EPDR1: variants seen among roughly 807,000 people sequenced by gnomAD.
EPDR1 encodes mammalian ependymin-related protein 1.
A neutral mutation model predicts 23.7 loss-of-function variants in EPDR1; 27 were observed. The observed-to-expected ratio is 1.14, with a 90% CI of 0.84 to 1.57. The LOEUF is 1.57. EPDR1 is among the 40% of genes most tolerant of loss of function. The pLI, the probability that EPDR1 is intolerant of heterozygous loss-of-function variation, is 0.00. For synonymous variants in EPDR1, 137 were observed against 118.2 expected, an observed-to-expected ratio of 1.16 and a Z score of -1.03; for missense variants, 349 against 290.4, an observed-to-expected ratio of 1.20 and a Z score of -1.47.
intron 1 of EPDR1, among the ~76,000 whole-genome samples, chr7:37,937,485 T>C (rs1449897503): frequency 6.6e-6 from 1 of 152,116 alleles, no homozygotes; most frequent in Non-Finnish European, 1.5e-5. Context: ...TAATTAATGA[T>C]CTATAGAAAA....
At chr7:37,946,590 G>C (rs1228628626) in intron 1 of EPDR1, among the ~76,000 whole-genome samples, 2 of 152,180 alleles carry the variant, frequency 1.3e-5, no homozygotes, top group Non-Finnish European at 2.9e-5. Context: ...AAAGGTAACT[G>C]TGAAACTGCC....
At chr7:37,948,007 C>T (rs1469588277) in intron 1 of EPDR1, among the ~76,000 whole-genome samples, 10 of 152,262 alleles carry the variant, frequency 6.6e-5, no homozygotes, top group Admixed American at 5.2e-4. Flanking sequence ...ATGTGGGCTG[C>T]GCCCGTGCCG....
chr7:37,949,006 A>G lies in EPDR1; in HGVS notation c.436A>G (p.Ile146Val). ...QYSIGGPQEQITVQEWSDRKS... is the reference protein window; with the variant it reads ...QYSIGGPQEQVTVQEWSDRKS... ...CTCCATCGGGGGGCCTCAGGAGCAG[A>G]TCACCGTCCAGGAGTGGTCGGACAG... Residue 146 changes from isoleucine to valine, a missense_variant, in exon 2 of 3, where the codon ATC becomes GTC. Transcript: ENST00000199448. 1 of 1,614,214 alleles carries G rather than the reference A, an allele frequency of 6.2e-7. No individual in the cohort carries two copies. Among genetic ancestry groups the G allele is most frequent in the Non-Finnish European group, 8.5e-7 (1 of 1,180,036 alleles).
intron 1 of EPDR1, among the ~76,000 whole-genome samples, chr7:37,934,256 G>A (rs894499961): frequency 1.3e-5 from 2 of 152,136 alleles, no homozygotes; most frequent in Non-Finnish European, 2.9e-5. Flanking sequence ...GATTACAGGC[G>A]TGAGCCACCA....
intron 1 of EPDR1, among the ~76,000 whole-genome samples, chr7:37,940,780 A>G (rs940125124): frequency 1.3e-5 from 2 of 148,882 alleles, no homozygotes; most frequent in African/African-American, 4.9e-5. Flanking sequence ...AATGGAAAAT[A>G]TCTATATGAA....
chr7:37,936,808 T>A (rs1311421841), intron 1 of EPDR1, among the ~76,000 whole-genome samples: 1 of 152,180 alleles, frequency 6.6e-6, no homozygotes, highest in African/African-American at 2.4e-5. Context: ...ACCCCTTTTT[T>A]GGAGTGATAG....
chr7:37,926,766 C>T (rs1785822026), intron 1 of EPDR1: 1 of 438,004 alleles, frequency 2.3e-6, no homozygotes, highest in Non-Finnish European at 4.6e-6. Flanking sequence ...TGTCTGCCAG[C>T]CTTCTTCACT....
At chr7:37,942,935 A>G (rs1786198955) in intron 1 of EPDR1, among the ~76,000 whole-genome samples, 1 of 152,246 alleles carries the variant, frequency 6.6e-6, no homozygotes, top group Admixed American at 6.5e-5. Context: ...TAAAAGCAAC[A>G]AAAATCCTTT....
At chr7:37,948,089 G>A (rs1019574265) in intron 1 of EPDR1, among the ~76,000 whole-genome samples, 10 of 152,164 alleles carry the variant, frequency 6.6e-5, no homozygotes, top group South Asian at 2.1e-4. Flanking sequence ...ACAGGCACTC[G>A]GTCCATCCAG....
In EPDR1 at chr7:37,945,745, G is replaced by A. The variant is rs140543131; in HGVS notation, c.270-3095G>A. ...TTCTTCAACTTTTATTCTAAGTCAG[G>A]GGTACATGTGCAGGATGTGCAGATT... On this transcript the variant is annotated intron_variant, in intron 1 of 2. Transcript: ENST00000199448. Among the ~76,000 whole-genome samples the A allele has an allele frequency of 1.9e-3, 293 of 152,176 alleles. 4 individuals are homozygous for A. The highest frequency in any genetic ancestry group is 6.5e-3 in the African/African-American group (270 of 41,514).
At chr7:37,941,856 A>G (rs1341513039) in intron 1 of EPDR1, among the ~76,000 whole-genome samples, 1 of 152,198 alleles carries the variant, frequency 6.6e-6, no homozygotes, top group African/African-American at 2.4e-5. Context: ...TATTGTGACC[A>G]TGTGGCAGAA....
intron 1 of EPDR1, among the ~76,000 whole-genome samples, chr7:37,926,488 A>AG (rs983211489): frequency 6.6e-6 from 1 of 151,896 alleles, no homozygotes; most frequent in Non-Finnish European, 1.5e-5. Context: ...CAAAAAAAAA[A>AG]AAAAAAAAAA....
rs1281628482 is a variant in EPDR1 at position 37,949,054 on chromosome 7, G to C, written c.478+6G>C. On this transcript the variant is annotated splice_donor_region_variant and intron_variant, in intron 2 of 2. Coordinates refer to ENST00000199448, the MANE Select transcript of EPDR1 (RefSeq NM_017549.5). ...CAGAAAGTCAGCTAGATCCTGTAAGGGTTCAAAGAATCTAAGCATTGTATT... is the reference window on the plus strand; with the variant it reads ...CAGAAAGTCAGCTAGATCCTGTAAGCGTTCAAAGAATCTAAGCATTGTATT... 1 of 1,613,532 alleles carries C rather than the reference G, an allele frequency of 6.2e-7. No individual in the cohort carries two copies. The highest frequency in any genetic ancestry group is 1.3e-5 in the African/African-American group (1 of 75,004).
chr7:37,925,206 G>T (rs769779963), intron 1 of EPDR1, among the ~76,000 whole-genome samples: 21 of 152,200 alleles, frequency 1.4e-4, no homozygotes, highest in Non-Finnish European at 2.9e-4. Context: ...CATATTTCAG[G>T]CAGCATGTTG....
Position 37,920,653 on chromosome 7 carries a change from G to A in EPDR1, c.-287G>A, listed in dbSNP as rs764962619. The A allele has an allele frequency of 1.3e-6, 2 of 1,573,582 alleles. No individual in the cohort carries two copies. Among genetic ancestry groups the A allele is most frequent in the African/African-American group, 2.7e-5 (2 of 73,958 alleles). On this transcript the variant is annotated 5_prime_UTR_variant, in exon 1 of 3. Coordinates refer to ENST00000199448, the MANE Select transcript of EPDR1 (RefSeq NM_017549.5). ...GCAGCAGTGAGCAGTGAAAACCGAA[G>A]CGGCAGAAGGCAGTGGCAGCAGGCA... is the stretch of plus-strand genomic sequence containing the variant.
Position 37,950,432 on chromosome 7 carries a change from G to A in EPDR1, c.*36G>A. 6.5e-7 allele frequency: 1 copy of A among 1,537,594 alleles called. No individual in the cohort carries two copies. The highest frequency in any genetic ancestry group is 8.8e-7 in the Non-Finnish European group (1 of 1,134,626). ...AGGGAAGCGGCAGCATCGGATGTCA[G>A]CCCCCTGCGGCCCCAGCTGGAGATG... is the stretch of plus-strand genomic sequence containing the variant. On this transcript the variant is annotated 3_prime_UTR_variant, in exon 3 of 3. Transcript: ENST00000199448.
At chr7:37,943,682 A>G (rs1369605228) in intron 1 of EPDR1, among the ~76,000 whole-genome samples, 1 of 152,252 alleles carries the variant, frequency 6.6e-6, no homozygotes, top group Non-Finnish European at 1.5e-5. Flanking sequence ...CCTCAATATC[A>G]GATGATGTCT....
At chr7:37,930,632 C>T (rs917081857) in intron 1 of EPDR1, among the ~76,000 whole-genome samples, 2 of 152,196 alleles carry the variant, frequency 1.3e-5, no homozygotes, top group Non-Finnish European at 1.5e-5. Context: ...GCCTGGCTTA[C>T]CCTTGGACCC....
chr7:37,950,271 A>T lies in EPDR1; in HGVS notation c.550A>T (p.Ser184Cys). The change falls in exon 3 of 3, where the codon AGT becomes TGT. Residue 184 changes from serine (S) to cysteine (C), a missense_variant. Coordinates refer to ENST00000199448, the MANE Select transcript of EPDR1 (RefSeq NM_017549.5). The stretch of plus-strand genomic sequence containing the variant: ...CCAGGAAACCTTTACCATAAACTAC[A>T]GTGTGATATTGTCTACGCGGTTTTT... Reference protein sequence around the residue: ...PVQETFTINYSVILSTRFFDI... With the variant: ...PVQETFTINYCVILSTRFFDI... The T allele has an allele frequency of 6.2e-7, 1 of 1,614,108 alleles. No individual in the cohort carries two copies. Among genetic ancestry groups the T allele is most frequent in the Non-Finnish European group, 8.5e-7 (1 of 1,180,014 alleles).
Sources: allele counts gnomAD v4.1 joint callset (sites outside exome capture counted in the v4.1 genomes callset), GRCh38; gene constraint gnomAD v4.1.1; transcripts MANE v1.5; gene names NCBI Gene and HGNC (gene_info 2026-07-23, HGNC 2026-07-21).